Variants in KIAA2013 observed in about 807,000 individuals in gnomAD.
KIAA2013 encodes KIAA2013, also known as uncharacterized protein KIAA2013.
Under a neutral mutation model 39.9 loss-of-function variants are expected in KIAA2013, and 20 were observed. The ratio of observed to expected loss-of-function variants is 0.50; its 90% CI spans 0.35 to 0.73. KIAA2013 has a LOEUF of 0.73. Among genes scored for constraint, KIAA2013 ranks in the 30% least tolerant of loss-of-function variants. The pLI is 0.01. For missense variants in KIAA2013, 587 were observed against 856.1 expected (o/e 0.69, Z 3.92); for synonymous variants, 336 against 416.6 (o/e 0.81, Z 2.35).
At chr1:11,922,581 C>T (rs1444141583) in intron 2 of KIAA2013, 55 bp downstream of exon 2, 1 of 1,596,712 alleles carries the variant, frequency 6.3e-7, no homozygotes, top group South Asian at 1.1e-5. Flanking sequence ...TTCCGAGACA[C>T]AGGGCTGAGA....
Position 11,926,113 on chromosome 1 carries a change from C to T in KIAA2013, c.125G>A (p.Arg42Gln). ...LLWFGGSGARRAAGGLHLLPW... is the reference protein window; with the variant it reads ...LLWFGGSGARQAAGGLHLLPW... ...CAGCAGGTGCAGGCCGCCCGCCGCC[C>T]GCCGCGCGCCGGACCCCCCAAACCA... is the stretch of plus-strand genomic sequence containing the variant. The change falls in exon 1 of 3, where the codon CGG becomes CAG. Residue 42 changes from arginine (R) to glutamine (Q), a missense_variant. By Grantham distance (43) the Arg-to-Gln change is conservative. Coordinates refer to ENST00000376572, the MANE Select transcript of KIAA2013 (RefSeq NM_138346.3). 7.1e-7 allele frequency: 1 copy of T among 1,402,802 alleles called. No homozygotes were observed. The highest frequency in any genetic ancestry group is 2.5e-5 in the Admixed American group (1 of 39,532). The allele number at this position is 1,402,802 out of a possible 1,614,324, so 86.9% of individuals were successfully genotyped here.
At chr1:11,922,408 C>T (rs1384322862) in intron 2 of KIAA2013, 1 of 1,443,486 alleles carries the variant, frequency 6.9e-7, no homozygotes, top group Non-Finnish European at 9.1e-7. Flanking sequence ...GGAGGGCTGC[C>T]CTGGAAAGCC....
Position 11,926,379 on chromosome 1 carries a change from C to T in KIAA2013, c.-142G>A, listed in dbSNP as rs931594265. 3.0e-5 allele frequency: 6 copies of T among 201,582 alleles called. No homozygotes were observed. Among genetic ancestry groups the T allele is most frequent in the Non-Finnish European group, 5.3e-5 (6 of 112,702 alleles). 12.5% of individuals were successfully genotyped at this position (201,582 alleles called of 1,614,324 possible). A position where few individuals can be genotyped will look rare whatever the true frequency, so the allele number is the denominator to read the frequency against. On this transcript the variant is annotated 5_prime_UTR_variant, in exon 1 of 3. Coordinates refer to ENST00000376572, the MANE Select transcript of KIAA2013 (RefSeq NM_138346.3). ...CCCGCCGCAACCGCCGCAGCAGCCG[C>T]CACCCCTGCTTCCTCCTTCTTCTCG...
chr1:11,923,297 G>A lies in KIAA2013; in HGVS notation c.1226C>T (p.Ala409Val). The change falls in exon 2 of 3, where the codon GCC (alanine) becomes GTC (valine). Residue 409 changes from alanine (A) to valine (V), a missense_variant. Transcript: ENST00000376572. This position sits in a 1 kb window ranked among gnomAD's most constrained non-coding sequence, Gnocchi z 4.6. ...HCFSGHATMHAENLWPGRLSS... is the reference protein window; with the variant it reads ...HCFSGHATMHVENLWPGRLSS... ...CAGCCGCCCCGGCCACAGGTTCTCGGCGTGCATGGTGGCGTGCCCGCTGAA... is the reference window on the plus strand; with the variant it reads ...CAGCCGCCCCGGCCACAGGTTCTCGACGTGCATGGTGGCGTGCCCGCTGAA... 1 of 1,613,432 alleles carries A rather than the reference G, an allele frequency of 6.2e-7. No homozygotes were observed. Among genetic ancestry groups the A allele is most frequent in the East Asian group, 2.2e-5 (1 of 44,838 alleles).
At position 11,922,959 on chromosome 1, in the gene KIAA2013, C is replaced by T. The variant is rs1645483413; in HGVS notation, c.1564G>A (p.Ala522Thr). ...TCGTCCAGGCAGCCTGCCTTGCAGGCATAGATCTTGACAGGCTGGCCACGG... is the reference window on the plus strand; with the variant it reads ...TCGTCCAGGCAGCCTGCCTTGCAGGTATAGATCTTGACAGGCTGGCCACGG... ...ESRGQPVKIY[A>T]CKAGCLDEPV... The change falls in exon 2 of 3, where the codon GCC becomes ACC. Residue 522 changes from alanine (A) to threonine (T), a missense_variant. Physicochemically the swap from Ala to Thr is moderately conservative, Grantham distance 58. Coordinates refer to ENST00000376572, the MANE Select transcript of KIAA2013 (RefSeq NM_138346.3). 4 of 1,612,054 alleles carry T rather than the reference C, an allele frequency of 2.5e-6. No individual in the cohort carries two copies. In the East Asian group the frequency reaches 8.9e-5, roughly 36 times the overall value.
At chr1:11,922,260 G>T in intron 2 of KIAA2013, 1 of 920,810 alleles carries the variant, frequency 1.1e-6, no homozygotes, top group Non-Finnish European at 1.5e-6. Context: ...CACAATCATA[G>T]TTCACTGCAG....
At position 11,919,742 on chromosome 1, in the gene KIAA2013, T is replaced by C. The variant is rs1351094706; in HGVS notation, c.*573A>G. 1 of 153,478 alleles carries C rather than the reference T, an allele frequency of 6.5e-6. No homozygotes were observed. The highest frequency in any genetic ancestry group is 2.4e-5 in the African/African-American group (1 of 41,382). 9.5% of individuals were successfully genotyped at this position (153,478 alleles called of 1,614,324 possible). ...GTCCACAGGCTCCTAAAAAAGGGCG[T>C]GCAAACCCGAGGATGACAGCACAAC... On this transcript the variant is annotated 3_prime_UTR_variant, in exon 3 of 3. Coordinates refer to ENST00000376572, the MANE Select transcript of KIAA2013 (RefSeq NM_138346.3).
chr1:11,925,879 G>C lies in KIAA2013; in HGVS notation c.359C>G (p.Pro120Arg). The change falls in exon 1 of 3, where the codon CCG becomes CGG. Residue 120 changes from proline to arginine, a missense_variant. Coordinates refer to ENST00000376572, the MANE Select transcript of KIAA2013 (RefSeq NM_138346.3). The surrounding 1 kb of genome is among the most constrained non-coding windows in gnomAD (Gnocchi z 5.2). The stretch of plus-strand genomic sequence containing the variant: ...CAGCTGCACGAAGGGCACAAAGTCC[G>C]GCGCCACGGCGGGCTCCCGCTCCCC... The part of the protein sequence containing the change: ...TPGEREPAVA[P>R]DFVPFVQLRP... 1 of 1,529,364 alleles carries C rather than the reference G, an allele frequency of 6.5e-7. No homozygotes were observed. The highest frequency in any genetic ancestry group is 1.4e-5 in the African/African-American group (1 of 71,576). The allele number at this position is 1,529,364 out of a possible 1,614,324, so 94.7% of individuals were successfully genotyped here.
rs778247354 is a variant in KIAA2013, at chr1:11,923,262, G to A, written c.1261C>T (p.Gln421Ter). 3 of 1,613,418 alleles carry A rather than the reference G, an allele frequency of 1.9e-6. No homozygotes were observed. The highest frequency in any genetic ancestry group is 2.5e-6 in the Non-Finnish European group (3 of 1,179,710). Residue 421 changes from glutamine to a stop codon, truncating the protein, a stop_gained, in exon 2 of 3, where the codon CAG (glutamine) becomes TAG (stop). Coordinates refer to ENST00000376572, the MANE Select transcript of KIAA2013 (RefSeq NM_138346.3). LOFTEE classifies it high-confidence loss of function. The surrounding 1 kb of genome is among the most constrained non-coding windows in gnomAD (Gnocchi z 4.6). The stretch of plus-strand genomic sequence containing the variant: ...AGGTCAGAGAGCTGCAGGATCTGCT[G>A]GACGGAGGACAGCCGCCCCGGCCAC... The part of the protein sequence containing the change: ...NLWPGRLSSV[Q>*]QILQLSDLWR...
rs980118532 is a variant in KIAA2013 at position 11,923,627 on chromosome 1, T to G, written c.1034-138A>C. 3 of 922,544 alleles carry G rather than the reference T, an allele frequency of 3.3e-6. No homozygotes were observed. Among genetic ancestry groups the G allele is most frequent in the Non-Finnish European group, 5.0e-6 (3 of 605,716 alleles). The allele number at this position is 922,544 out of a possible 1,614,324, so 57.1% of individuals were successfully genotyped here. On this transcript the variant is annotated intron_variant, in intron 1 of 2. Transcript: ENST00000376572. This position sits in a 1 kb window ranked among gnomAD's most constrained non-coding sequence, Gnocchi z 4.6. ...GACAGTGGTGCCCATCTCCCTAAAG[T>G]ATAGAAGAAAGTCAGCCTGTCTTGT...
rs541775231 is a variant in KIAA2013, at chr1:11,926,016, G to A, written c.222C>T (p.Arg74=). 2.6e-4 allele frequency: 397 copies of A among 1,502,252 alleles called. No homozygotes were observed. In the African/African-American group the frequency reaches 4.6e-3, roughly 17 times the overall value. The allele number at this position is 1,502,252 out of a possible 1,614,324, so 93.1% of individuals were successfully genotyped here. Residue 74 remains arginine (R), a synonymous_variant, in exon 1 of 3, where the codon CGC becomes CGT. Coordinates refer to ENST00000376572, the MANE Select transcript of KIAA2013 (RefSeq NM_138346.3). The part of the protein sequence containing the change: ...ACLEAATRAW[R]GLRERGEVVP... ...CCACCTCACCGCGCTCCCGCAGGCCGCGCCAGGCGCGGGTGGCCGCCTCCA... is the reference window on the plus strand; with the variant it reads ...CCACCTCACCGCGCTCCCGCAGGCCACGCCAGGCGCGGGTGGCCGCCTCCA...
In KIAA2013 at chr1:11,923,879, T is replaced by C. The variant is rs1183375075; in HGVS notation, c.1034-390A>G. ...TCTTGTAGCTTTATGTATGTATGTA[T>C]TTATTTGTTTATTGAGACAGAGTCT... On this transcript the variant is annotated intron_variant, in intron 1 of 2. Coordinates refer to ENST00000376572, the MANE Select transcript of KIAA2013 (RefSeq NM_138346.3). This position sits in a 1 kb window ranked among gnomAD's most constrained non-coding sequence, Gnocchi z 4.6. Among the ~76,000 whole-genome samples the C allele has an allele frequency of 1.3e-5, 2 of 152,170 alleles. No individual in the cohort carries two copies. The highest frequency in any genetic ancestry group is 4.8e-5 in the African/African-American group (2 of 41,438).
chr1:11,923,081 T>C lies in KIAA2013; in HGVS notation c.1442A>G (p.Tyr481Cys), dbSNP rs769515662. 3.1e-6 allele frequency: 5 copies of C among 1,611,506 alleles called. No individual in the cohort carries two copies. The highest frequency in any genetic ancestry group is 3.3e-5 in the Admixed American group (2 of 59,950). The change falls in exon 2 of 3, where the codon TAT becomes TGT. Residue 481 changes from tyrosine (Y) to cysteine (C), a missense_variant. By Grantham distance (194) the Tyr-to-Cys change is radical. Coordinates refer to ENST00000376572, the MANE Select transcript of KIAA2013 (RefSeq NM_138346.3). This position sits in a 1 kb window ranked among gnomAD's most constrained non-coding sequence, Gnocchi z 4.6. ...QADPDVLHNS[Y>C]ALHGIRYKND... ...CTTGTAGCGGATGCCATGCAATGCA[T>C]AGCTGTTGTGCAGCACGTCGGGGTC... is the stretch of plus-strand genomic sequence containing the variant.
Position 11,920,918 on chromosome 1 carries a change from G to A in KIAA2013, c.1888-586C>T, listed in dbSNP as rs76088180. Among the ~76,000 whole-genome samples, 260 of 152,310 alleles carry A rather than the reference G, an allele frequency of 1.7e-3. 4 individuals carry two copies. In the East Asian group the frequency reaches 0.04, roughly 23 times the overall value. ...GCAGGCATCCCTGTGGATGTGATGG[G>A]ACACTTCCCATTTCTCCAGGGTGGG... On this transcript the variant is annotated intron_variant, in intron 2 of 2. Coordinates refer to ENST00000376572, the MANE Select transcript of KIAA2013 (RefSeq NM_138346.3).
Position 11,925,121 on chromosome 1 carries a change from C to A in KIAA2013, c.1033+84G>T. ...GTGAAACGCCAAGCCCAAGTTTCAA[C>A]CACCCCACCATCACCTTCAGTGTCA... On this transcript the variant is annotated intron_variant, in intron 1 of 2. Transcript: ENST00000376572. This position sits in a 1 kb window ranked among gnomAD's most constrained non-coding sequence, Gnocchi z 5.2. 2 of 1,325,906 alleles carry A rather than the reference C, an allele frequency of 1.5e-6. No individual in the cohort carries two copies. The highest frequency in any genetic ancestry group is 2.0e-6 in the Non-Finnish European group (2 of 977,252). The allele number at this position is 1,325,906 out of a possible 1,614,324, so 82.1% of individuals were successfully genotyped here. A position where few individuals can be genotyped will look rare whatever the true frequency, so the allele number is the denominator to read the frequency against.
intron 2 of KIAA2013, 91 bp downstream of exon 2, chr1:11,922,545 T>C: frequency 1.3e-6 from 2 of 1,561,730 alleles, no homozygotes; most frequent in Non-Finnish European, 1.7e-6. Flanking sequence ...TGCCCAGGCC[T>C]CACCCCCCCT....
intron 2 of KIAA2013, among the ~76,000 whole-genome samples, chr1:11,921,028 A>G (rs1452850308): frequency 6.6e-6 from 1 of 152,152 alleles, no homozygotes; most frequent in Non-Finnish European, 1.5e-5. Flanking sequence ...AAGAGAAGAT[A>G]AAGGAGAAAA....
In KIAA2013 at chr1:11,925,539, G is replaced by A; in HGVS notation, c.699C>T (p.Thr233=). The A allele has an allele frequency of 4.4e-6, 7 of 1,605,596 alleles. No homozygotes were observed. Among genetic ancestry groups the A allele is most frequent in the Admixed American group, 1.7e-5 (1 of 58,560 alleles). ...GGTCTCCGACCTTCTCCAGGGTACT[G>A]GTGAAGGCCTTGGGGGCTGGGCCGG... is the stretch of plus-strand genomic sequence containing the variant. ...PTAGPAPKAF[T]STLEKVGDHQ... is the part of the protein sequence containing the mutation. The change falls in exon 1 of 3, where the codon ACC becomes ACT. Residue 233 remains threonine, a synonymous_variant. Coordinates refer to ENST00000376572, the MANE Select transcript of KIAA2013 (RefSeq NM_138346.3). The surrounding 1 kb of genome is among the most constrained non-coding windows in gnomAD (Gnocchi z 5.2).
chr1:11,920,953 C>T (rs1483561496), intron 2 of KIAA2013, among the ~76,000 whole-genome samples: 3 of 152,088 alleles, frequency 2.0e-5, no homozygotes, highest in East Asian at 1.9e-4. Context: ...GATCTGGGCT[C>T]TCTGACTACT....
Sources: allele counts gnomAD v4.1 joint callset (sites outside exome capture counted in the v4.1 genomes callset), GRCh38; gene constraint gnomAD v4.1.1; non-coding constraint Gnocchi (gnomAD v3.1); transcripts MANE v1.5; gene names NCBI Gene and HGNC (gene_info 2026-07-23, HGNC 2026-07-21).